The following PDE7B variants were observed in gnomAD, a reference collection of about 807,000 sequenced individuals.
The protein encoded by PDE7B is 3',5'-cyclic-AMP phosphodiesterase 7B.
A neutral mutation model predicts 56.2 loss-of-function variants in PDE7B; 29 were observed. The observed-to-expected ratio is 0.52, with a 90% confidence interval of 0.38 to 0.70. PDE7B has a LOEUF of 0.70. PDE7B is among the 30% of genes least tolerant of loss of function. The pLI is 0.00. For missense variants in PDE7B, 490 were observed against 565.0 expected (o/e 0.87, Z 1.35); for synonymous variants, 197 against 196.9 (o/e 1.00, Z 0.00).
At chr6:136,038,066 G>A (rs1449797021) in intron 2 of PDE7B, 1 of 1,338,086 alleles carries the variant, frequency 7.5e-7, no homozygotes, top group Non-Finnish European at 9.9e-7. Flanking sequence ...GGCAGTGTTT[G>A]TGGAGGGCCT....
chr6:135,903,495 T>G (rs1776042047), intron 1 of PDE7B, among the ~76,000 whole-genome samples: 1 of 152,168 alleles, frequency 6.6e-6, no homozygotes, highest in African/African-American at 2.4e-5. Context: ...TCTCCTAATA[T>G]TGGGGAAGCT....
chr6:135,905,190 A>C (rs1322162507), intron 1 of PDE7B, among the ~76,000 whole-genome samples: 1 of 152,234 alleles, frequency 6.6e-6, no homozygotes, highest in Non-Finnish European at 1.5e-5. Flanking sequence ...AAATCAACCA[A>C]GTGCCACTAA....
intron 2 of PDE7B, among the ~76,000 whole-genome samples, chr6:136,025,282 A>G (rs1776132413): frequency 6.6e-6 from 1 of 152,272 alleles, no homozygotes; most frequent in Non-Finnish European, 1.5e-5. Flanking sequence ...TATCTTAAAA[A>G]TGCAATACAG....
intron 2 of PDE7B, among the ~76,000 whole-genome samples, chr6:136,005,069 T>C (rs1432190019): frequency 6.6e-6 from 1 of 152,216 alleles, no homozygotes; most frequent in Non-Finnish European, 1.5e-5. Context: ...AACTATCTGA[T>C]CTTTGACAAA....
At chr6:136,176,308 G>T (rs1267661100) in intron 9 of PDE7B, among the ~76,000 whole-genome samples, 1 of 150,520 alleles carries the variant, frequency 6.6e-6, no homozygotes, top group East Asian at 1.9e-4. Context: ...TATCTTCAAA[G>T]AATTCATATA....
chr6:135,982,557 T>C (rs1000821440), intron 2 of PDE7B, among the ~76,000 whole-genome samples: 1 of 152,146 alleles, frequency 6.6e-6, no homozygotes, highest in African/African-American at 2.4e-5. Flanking sequence ...AGAGGAATCT[T>C]AGTGACCTGT....
At chr6:136,047,552 A>C (rs1261807561) in intron 2 of PDE7B, 1 of 152,226 alleles carries the variant, frequency 6.6e-6, no homozygotes, top group South Asian at 2.1e-4. Flanking sequence ...GTTTTGAAAA[A>C]TTTTTGAAAA....
intron 11 of PDE7B, among the ~76,000 whole-genome samples, chr6:136,182,415 G>A (rs1041103261): frequency 1.3e-5 from 2 of 151,864 alleles, no homozygotes; most frequent in African/African-American, 4.9e-5. Context: ...ATTGGAGCTA[G>A]GGGGCTTTAA....
intron 1 of PDE7B, among the ~76,000 whole-genome samples, chr6:135,921,380 T>G (rs1431927929): frequency 6.6e-6 from 1 of 152,184 alleles, no homozygotes; most frequent in Non-Finnish European, 1.5e-5. Flanking sequence ...CAGGCAGTTT[T>G]GTAAGCTTTA....
intron 2 of PDE7B, among the ~76,000 whole-genome samples, chr6:136,043,168 C>G (rs1276431003): frequency 6.6e-6 from 1 of 152,204 alleles, no homozygotes; most frequent in Admixed American, 6.5e-5. Flanking sequence ...CTTTTAGCAG[C>G]CTGTTTTCAC....
intron 2 of PDE7B, among the ~76,000 whole-genome samples, chr6:135,980,329 A>G (rs1322426646): frequency 3.3e-5 from 5 of 152,248 alleles, no homozygotes; most frequent in Admixed American, 6.5e-5. Context: ...ACCTAAAACC[A>G]TAAAAACCCT....
At chr6:136,069,873 C>A (rs1170334537) in intron 2 of PDE7B, among the ~76,000 whole-genome samples, 3 of 151,704 alleles carry the variant, frequency 2.0e-5, no homozygotes, top group African/African-American at 7.3e-5. Context: ...TGGCAAATCT[C>A]TTTTTCTGTC....
rs1466238362 is a variant in PDE7B, at chr6:136,005,659, T to C, written c.82+58135T>C. ...GCAAATCAAAACCACAATGAGATAC[T>C]GTCTCACACCAGTTAGAATGGCAAT... On this transcript the variant is annotated intron_variant, in intron 2 of 12. Transcript: ENST00000308191. 3.0e-4 allele frequency among the ~76,000 whole-genome samples: 45 copies of C among 152,194 alleles called. 1 individual carries two copies. The highest frequency in any genetic ancestry group is 9.7e-4 in the East Asian group (5 of 5,176).
rs1436649469 is a variant in PDE7B, at chr6:135,935,190, T to TTTTATATATATATATATATATA, written c.22-12273_22-12272insTTATATATATATATATATATAT. On this transcript the variant is annotated intron_variant, in intron 1 of 12. Coordinates refer to ENST00000308191, the MANE Select transcript of PDE7B (RefSeq NM_018945.4). Reference sequence around the variant, plus strand: ...GAGAATTTTATATATATATATTTATTTATATATATATATATATATATATAT... The same window carrying TTTTATATATATATATATATATA: ...GAGAATTTTATATATATATATTTATTTTTATATATATATATATATATATATATATATATATATATATATATAT... Among the ~76,000 whole-genome samples the TTTTATATATATATATATATATA allele has an allele frequency of 1.6e-3, 59 of 36,172 alleles. 5 individuals are homozygous for TTTTATATATATATATATATATA. Among genetic ancestry groups the TTTTATATATATATATATATATA allele is most frequent in the African/African-American group, 4.8e-3 (40 of 8,344 alleles). The allele number at this position is 36,172 out of a possible 152,430, so 23.7% of individuals were successfully genotyped here. A position where few individuals can be genotyped will look rare whatever the true frequency, so the allele number is the denominator to read the frequency against.
Position 136,100,273 on chromosome 6 carries a change from A to G in PDE7B, c.83-8458A>G, listed in dbSNP as rs184820281. ...GCTATGCAGGCTCCTTGTTGGTTCC[A>G]TATGAAATTGAAGTAATTTTTTCCA... On this transcript the variant is annotated intron_variant, in intron 2 of 12. Coordinates refer to ENST00000308191, the MANE Select transcript of PDE7B (RefSeq NM_018945.4). Among the ~76,000 whole-genome samples the G allele has an allele frequency of 8.5e-5, 13 of 152,316 alleles. No homozygotes were observed. In the East Asian group the frequency reaches 1.9e-3, roughly 23 times the overall value.
chr6:136,065,406 A>G (rs1776916839), intron 2 of PDE7B, among the ~76,000 whole-genome samples: 1 of 152,334 alleles, frequency 6.6e-6, no homozygotes, highest in Admixed American at 6.5e-5. Flanking sequence ...ATTTAAAAAG[A>G]GACTTTGGGC....
At chr6:136,069,456 T>G (rs1465639938) in intron 2 of PDE7B, among the ~76,000 whole-genome samples, 2 of 152,232 alleles carry the variant, frequency 1.3e-5, no homozygotes, top group African/African-American at 4.8e-5. Flanking sequence ...TGGTTTCCCC[T>G]TCAATTCAGT....
At chr6:136,108,691 CAATGTTT>C in intron 2 of PDE7B, 33 bp from the exon 3 acceptor site, 1 of 1,268,466 alleles carries the variant, frequency 7.9e-7, no homozygotes, top group Non-Finnish European at 1.2e-6. Flanking sequence ...ATGCACGTGG[CAATGTTT>C]TCAAGCCTTT....
intron 2 of PDE7B, chr6:136,038,212 A>AAACAGCAGCAGCAGC (rs751325316): frequency 9.2e-6 from 12 of 1,299,282 alleles, no homozygotes; most frequent in Middle Eastern, 2.1e-4. Flanking sequence ...GCAGAAGCAG[A>AAACAGCAGCAGCAGC]AACAGCAGCA....
Sources: allele counts gnomAD v4.1 joint callset (sites outside exome capture counted in the v4.1 genomes callset), GRCh38; gene constraint gnomAD v4.1.1; transcripts MANE v1.5; gene names NCBI Gene and HGNC (gene_info 2026-07-23, HGNC 2026-07-21).